Variants in AKAP12 observed in about 807,000 individuals in gnomAD.
AKAP12 encodes A-kinase anchoring protein 12.
AKAP12 carries 32 observed loss-of-function variants against 79.9 expected under a neutral mutation model. The observed-to-expected ratio is 0.40, with a 90% CI of 0.30 to 0.54. The LOEUF (loss-of-function observed/expected upper bound fraction) is 0.54. Among genes scored for constraint, AKAP12 ranks in the 20% least tolerant of loss-of-function variants. The pLI, the probability that AKAP12 is intolerant of heterozygous loss-of-function variation, is 0.48. For missense variants in AKAP12, 2,074 were observed against 2,177.0 expected, an observed-to-expected ratio of 0.95 and a Z score of 0.94; for synonymous variants, 808 against 857.0, an observed-to-expected ratio of 0.94 and a Z score of 1.00.
At chr6:151,325,914 C>T in intron 3 of AKAP12, 3 of 1,614,184 alleles carry the variant, frequency 1.9e-6, no homozygotes, top group Middle Eastern at 3.3e-4. Flanking sequence ...CGCTTTTGTC[C>T]TCCCTGGACG....
intron 2 of AKAP12, among the ~76,000 whole-genome samples, chr6:151,253,335 T>C (rs1465675718): frequency 1.3e-5 from 2 of 152,228 alleles, no homozygotes; most frequent in Non-Finnish European, 2.9e-5. Context: ...GAAACTTTCG[T>C]TTGAAATTGT....
At chr6:151,271,617 C>T (rs1776185184) in intron 2 of AKAP12, among the ~76,000 whole-genome samples, 2 of 151,808 alleles carry the variant, frequency 1.3e-5, no homozygotes, top group African/African-American at 4.8e-5. Flanking sequence ...CCACTACACG[C>T]CCCCAGCCCA....
intron 2 of AKAP12, among the ~76,000 whole-genome samples, chr6:151,242,533 AG>A (rs1413373922): frequency 6.6e-6 from 1 of 152,220 alleles, no homozygotes; most frequent in African/African-American, 2.4e-5. Flanking sequence ...GAATGTATTT[AG>A]TTTTCATTTG....
intron 3 of AKAP12, among the ~76,000 whole-genome samples, chr6:151,341,959 G>A (rs891129702): frequency 6.6e-6 from 1 of 152,240 alleles, no homozygotes; most frequent in Non-Finnish European, 1.5e-5. Flanking sequence ...GCCCTAGAAA[G>A]GAAAGGCCTC....
rs141787970 is a variant in AKAP12, at chr6:151,285,921, A to G, written c.163-19826A>G. 6.2e-3 allele frequency among the ~76,000 whole-genome samples: 923 copies of G among 149,456 alleles called. 6 individuals carry two copies. Among genetic ancestry groups the G allele is most frequent in the South Asian group, 0.013 (63 of 4,750 alleles). On this transcript the variant is annotated intron_variant, in intron 2 of 4. Coordinates refer to ENST00000402676, the MANE Select transcript of AKAP12 (RefSeq NM_005100.4). ...AGACGGAATTTTGCGCTTATCACCC[A>G]GGCTGGAGTGAAATGGCGCAATCTC...
At chr6:151,334,555 A>C (rs1777762101) in intron 3 of AKAP12, among the ~76,000 whole-genome samples, 1 of 151,406 alleles carries the variant, frequency 6.6e-6, no homozygotes, top group Non-Finnish European at 1.5e-5. Flanking sequence ...ACATCATGCC[A>C]CTGTACTCCA....
At chr6:151,251,620 A>T (rs148209067) in intron 2 of AKAP12, among the ~76,000 whole-genome samples, 154 of 152,358 alleles carry the variant, frequency 1.0e-3, no homozygotes, top group African/African-American at 3.7e-3. Context: ...GGTGTGTAAC[A>T]AACCATGCCA....
rs1410813358 is a variant in AKAP12, at chr6:151,272,706, T to C, written c.162+31982T>C. Among the ~76,000 whole-genome samples the C allele has an allele frequency of 1.6e-4, 25 of 152,130 alleles. No individual in the cohort carries two copies. In the East Asian group the frequency reaches 4.6e-3, roughly 28 times the overall value. ...ATGTGCTGCCACGCCCTGTTCATTT[T>C]TGTATTTTTAGTAGAGACAGGGTTT... is the stretch of plus-strand genomic sequence containing the variant. On this transcript the variant is annotated intron_variant, in intron 2 of 4. Coordinates refer to ENST00000402676, the MANE Select transcript of AKAP12 (RefSeq NM_005100.4).
chr6:151,286,122 C>T (rs1350628300), intron 2 of AKAP12, among the ~76,000 whole-genome samples: 1 of 152,092 alleles, frequency 6.6e-6, no homozygotes, highest in African/African-American at 2.4e-5. Flanking sequence ...AGGTGATCCA[C>T]CTGCTTTGGC....
chr6:151,279,612 C>G (rs1015579211), intron 2 of AKAP12, among the ~76,000 whole-genome samples: 3 of 152,208 alleles, frequency 2.0e-5, no homozygotes, highest in East Asian at 1.9e-4. Context: ...TTTACTTTCT[C>G]TCTGTTTCTT....
chr6:151,332,620 C>T (rs546566920), intron 3 of AKAP12, among the ~76,000 whole-genome samples: 1 of 152,244 alleles, frequency 6.6e-6, no homozygotes, highest in African/African-American at 2.4e-5. Flanking sequence ...AAAGCCCTGT[C>T]AATACAAGAC....
chr6:151,353,324 G>A lies in AKAP12; in HGVS notation c.4933G>A (p.Glu1645Lys). Residue 1645 changes from glutamate to lysine, a missense_variant, in exon 4 of 5, where the codon GAG becomes AAG. Physicochemically the swap from Glu to Lys is moderately conservative, Grantham distance 56 (BLOSUM62 1). Transcript: ENST00000402676. ...AGCCTCAGAAAAGACCATGACTGTT[G>A]AGGTAGAAGGTTCCACTGTAAATGA... ...SEASEKTMTVEVEGSTVNDQQ... is the reference protein window; with the variant it reads ...SEASEKTMTVKVEGSTVNDQQ... 6 of 1,614,212 alleles carry A rather than the reference G, an allele frequency of 3.7e-6. No homozygotes were observed. Among genetic ancestry groups the A allele is most frequent in the Non-Finnish European group, 5.1e-6 (6 of 1,180,044 alleles).
chr6:151,350,769 C>T lies in AKAP12; in HGVS notation c.2378C>T (p.Thr793Ile). 1.2e-6 allele frequency: 2 copies of T among 1,613,994 alleles called. No homozygotes were observed. The highest frequency in any genetic ancestry group is 1.7e-6 in the Non-Finnish European group (2 of 1,179,960). Reference protein sequence around the residue: ...SIAGSGVEHSTPDTEPGKEES... With the variant: ...SIAGSGVEHSIPDTEPGKEES... ...GCTGGGTCTGGTGTAGAACATTCCA[C>T]TCCAGACACTGAACCCGGTAAAGAA... The change falls in exon 4 of 5, where the codon ACT becomes ATT. Residue 793 changes from threonine (T) to isoleucine (I), a missense_variant. By Grantham distance (89) the Thr-to-Ile change is moderately conservative (BLOSUM62 -1). Around this residue, in one of 3 missense-constraint regions of AKAP12, gnomAD observed 1,428 missense variants for 1,451.0 expected, o/e 0.98. Transcript: ENST00000402676. The surrounding 1 kb of genome is among the most constrained non-coding windows in gnomAD (Gnocchi z 4.8).
rs1776557759 is a variant in AKAP12 at position 151,288,748 on chromosome 6, T to G, written c.163-16999T>G. ...CATGCTTTTGGAGGACAGAGTGAAT[T>G]TCTCCCAAATTACTGTCTTCTGCCT... On this transcript the variant is annotated intron_variant, in intron 2 of 4. Transcript: ENST00000402676. 1.3e-4 allele frequency among the ~76,000 whole-genome samples: 20 copies of G among 152,338 alleles called. No individual in the cohort carries two copies. In the South Asian group the frequency reaches 4.1e-3, roughly 32 times the overall value.
intron 3 of AKAP12, among the ~76,000 whole-genome samples, chr6:151,341,524 G>C (rs1164857053): frequency 1.3e-5 from 2 of 152,208 alleles, no homozygotes; most frequent in Non-Finnish European, 2.9e-5. Context: ...GGCGCCGGGC[G>C]CGGGGAGGCT....
intron 3 of AKAP12, among the ~76,000 whole-genome samples, chr6:151,337,524 A>AAAAATAAAG (rs535027217): frequency 7.7e-6 from 1 of 129,784 alleles, no homozygotes. Context: ...AAAAAAAAAA[A>AAAAATAAAG]AAAGAAAGAA....
In AKAP12 at chr6:151,274,633, CAAA is replaced by C. The variant is rs1233019883; in HGVS notation, c.163-31110_163-31108del. ...ATTATAGAAAGATTTAAAAATATAA[CAAA>C]AAATAGAAGTTCCTATTTAACACAA... On this transcript the variant is annotated intron_variant, in intron 2 of 4. Transcript: ENST00000402676. 4.6e-5 allele frequency among the ~76,000 whole-genome samples: 7 copies of C among 152,088 alleles called. No homozygotes were observed. The Middle Eastern group carries it at 0.017, about 370-fold the overall frequency.
At chr6:151,347,186 ACCT>A (rs1778123615) in intron 3 of AKAP12, among the ~76,000 whole-genome samples, 1 of 152,146 alleles carries the variant, frequency 6.6e-6, no homozygotes, top group Admixed American at 6.5e-5. Context: ...TCCTTTTGAC[ACCT>A]CCATCAGCTT....
chr6:151,277,974 C>G (rs62441504), intron 2 of AKAP12, among the ~76,000 whole-genome samples: 37 of 95,336 alleles, frequency 3.9e-4, no homozygotes, highest in Admixed American at 1.7e-3. Flanking sequence ...GTGTGTGTGT[C>G]TGTCTGTTTA....
Sources: allele counts gnomAD v4.1 joint callset (sites outside exome capture counted in the v4.1 genomes callset), GRCh38; gene constraint gnomAD v4.1.1; regional missense constraint gnomAD v4.1.1; non-coding constraint Gnocchi (gnomAD v3.1); transcripts MANE v1.5; gene names NCBI Gene and HGNC (gene_info 2026-07-23, HGNC 2026-07-21).